The following ARHGEF9 variants were observed in gnomAD, a reference collection of about 807,000 sequenced individuals.
The protein encoded by ARHGEF9 is Cdc42 guanine nucleotide exchange factor 9, also known as rho guanine nucleotide exchange factor 9.
ARHGEF9 carries 2 observed loss-of-function variants against 41.3 expected under a neutral mutation model. That is an observed-to-expected ratio of 0.05 (90% confidence interval 0.02 to 0.15). ARHGEF9 has a LOEUF of 0.15. Among genes scored for constraint, ARHGEF9 ranks in the 10% least tolerant of loss-of-function variants. The probability of loss-of-function intolerance (pLI) is 1.00; values close to 1 mark genes in which losing one functional copy is unlikely to be tolerated. For missense variants in ARHGEF9, 225 were observed against 424.7 expected (o/e 0.53, Z 4.13); for synonymous variants, 160 against 154.4 (o/e 1.04, Z -0.27).
At chrX:63,711,425 T>A (rs1441827588) in intron 2 of ARHGEF9, among the ~76,000 whole-genome samples, 3 of 111,600 alleles carry the variant, frequency 2.7e-5, no homozygotes, top group African/African-American at 9.8e-5. Flanking sequence ...CCTACAGTAA[T>A]CAAGAGAATG....
chrX:63,635,527 G>T lies in ARHGEF9; in HGVS notation c.*2501C>A. On this transcript the variant is annotated 3_prime_UTR_variant, in exon 10 of 10. Transcript: ENST00000671741. ...TAATTGGGCTCCCCTTGGGGCTGTTGGCCACTGGTCTGCTTTGATGCTATA... is the reference window on the plus strand; with the variant it reads ...TAATTGGGCTCCCCTTGGGGCTGTTTGCCACTGGTCTGCTTTGATGCTATA... The T allele has an allele frequency of 2.1e-6, 1 of 486,051 alleles. No individual in the cohort carries two copies. 40.1% of individuals were successfully genotyped at this position (486,051 alleles called of 1,213,427 possible). A position where few individuals can be genotyped will look rare whatever the true frequency, so the allele number is the denominator to read the frequency against.
intron 4 of ARHGEF9, among the ~76,000 whole-genome samples, chrX:63,688,570 G>A (rs1472988449): frequency 2.7e-5 from 3 of 111,844 alleles, no homozygotes; most frequent in Non-Finnish European, 5.6e-5. Flanking sequence ...ATTTATTAAG[G>A]TCAGCCTGGC....
rs1556401884 is a variant in ARHGEF9 at position 63,706,375 on chromosome X, T to C, written c.285A>G (p.Ser95=). The C allele has an allele frequency of 8.3e-7, 1 of 1,204,635 alleles. No homozygotes were observed. Among genetic ancestry groups the C allele is most frequent in the Non-Finnish European group, 1.1e-6 (1 of 892,794 alleles). Residue 95 remains serine, a synonymous_variant, in exon 3 of 10, where the codon TCA becomes TCG. Transcript: ENST00000671741. ...DVQNGHLDPN[S]DCLCLGRPLQ... is the part of the protein sequence containing the mutation. ...GTGGCCGCCCCAGACAGAGGCAGTC[T>C]GAATTGGGGTCCAGGTGTCCGTTCT...
chrX:63,773,180 A>G (rs1239604264), intron 1 of ARHGEF9, among the ~76,000 whole-genome samples: 1 of 112,141 alleles, frequency 8.9e-6, no homozygotes, highest in Non-Finnish European at 1.9e-5. Flanking sequence ...AAAAAACAAA[A>G]TCAGCATCAT....
At chrX:63,650,016 G>A (rs782177323) in intron 8 of ARHGEF9, among the ~76,000 whole-genome samples, 1 of 111,577 alleles carries the variant, frequency 9.0e-6, no homozygotes, top group South Asian at 3.7e-4. Flanking sequence ...TGAAAATTAA[G>A]AAGAAACAGA....
At chrX:63,734,186 G>A (rs1280990176) in intron 1 of ARHGEF9, among the ~76,000 whole-genome samples, 1 of 111,702 alleles carries the variant, frequency 9.0e-6, no homozygotes, top group Non-Finnish European at 1.9e-5. Flanking sequence ...GTCTTGTTTA[G>A]AGAATGATCC....
At chrX:63,689,185 G>A (rs1254560036) in intron 4 of ARHGEF9, among the ~76,000 whole-genome samples, 1 of 110,968 alleles carries the variant, frequency 9.0e-6, no homozygotes, top group African/African-American at 3.3e-5. Context: ...AAAAGAGAGT[G>A]GCTGAATGGA....
chrX:63,684,047 T>C (rs1556372675), intron 4 of ARHGEF9, among the ~76,000 whole-genome samples: 1 of 110,012 alleles, frequency 9.1e-6, no homozygotes, highest in African/African-American at 3.3e-5. Flanking sequence ...TGAGTGAAAA[T>C]ATTTGCAAAC....
intron 9 of ARHGEF9, chrX:63,638,702 T>G: frequency 3.3e-6 from 1 of 301,228 alleles, no homozygotes; most frequent in East Asian, 4.7e-5. Context: ...ACTATTGACT[T>G]CAGGACAGGT....
chrX:63,779,835 G>A (rs782626188), intron 1 of ARHGEF9, among the ~76,000 whole-genome samples: 1 of 111,506 alleles, frequency 9.0e-6, no homozygotes, highest in Non-Finnish European at 1.9e-5. Flanking sequence ...ATGACTGCAG[G>A]TTGTCTCCCA....
At chrX:63,694,760 AT>A (rs1476674281) in intron 4 of ARHGEF9, among the ~76,000 whole-genome samples, 4 of 111,991 alleles carry the variant, frequency 3.6e-5, no homozygotes, top group Non-Finnish European at 5.6e-5. Flanking sequence ...AATGTCCTAT[AT>A]TTTGATTATT....
At chrX:63,644,590 T>C (rs1259137704) in intron 8 of ARHGEF9, among the ~76,000 whole-genome samples, 24 of 109,823 alleles carry the variant, frequency 2.2e-4, no homozygotes, top group Non-Finnish European at 4.4e-4. Context: ...TGAGCATACA[T>C]AGATGCACAT....
intron 4 of ARHGEF9, among the ~76,000 whole-genome samples, chrX:63,684,865 C>A (rs1211502296): frequency 1.8e-5 from 2 of 108,764 alleles, no homozygotes; most frequent in African/African-American, 6.7e-5. Flanking sequence ...ATGAAATAAT[C>A]CAGTCACAGA....
chrX:63,718,490 A>G (rs1191442916), intron 2 of ARHGEF9, among the ~76,000 whole-genome samples: 5 of 110,373 alleles, frequency 4.5e-5, no homozygotes, highest in Admixed American at 3.9e-4. Flanking sequence ...CTAATCCCCA[A>G]ATAAACCCGG....
chrX:63,661,699 C>G (rs1196931190), intron 7 of ARHGEF9, among the ~76,000 whole-genome samples: 5 of 110,994 alleles, frequency 4.5e-5, no homozygotes, highest in African/African-American at 9.8e-5. Context: ...TTCCCACACA[C>G]TATAATTGCC....
chrX:63,736,475 G>A (rs1184708045), intron 1 of ARHGEF9, among the ~76,000 whole-genome samples: 3 of 110,767 alleles, frequency 2.7e-5, no homozygotes, highest in Non-Finnish European at 3.8e-5. Context: ...CTTATACTCA[G>A]AGGTGGTCAG....
chrX:63,675,972 A>G (rs2050237771), intron 5 of ARHGEF9, among the ~76,000 whole-genome samples: 1 of 112,030 alleles, frequency 8.9e-6, no homozygotes, highest in South Asian at 3.7e-4. Flanking sequence ...TCTCAGTACC[A>G]TTTTTTAAAA....
At chrX:63,769,756 C>T (rs2056173541) in intron 1 of ARHGEF9, among the ~76,000 whole-genome samples, 1 of 112,599 alleles carries the variant, frequency 8.9e-6, no homozygotes, top group Non-Finnish European at 1.9e-5. Context: ...AGGCCCGAGC[C>T]TTGGCAGCTC....
Position 63,635,783 on chromosome X carries a change from C to A in ARHGEF9, c.*2245G>T. On this transcript the variant is annotated 3_prime_UTR_variant, in exon 10 of 10. Transcript: ENST00000671741. ...CATCCCCTCCCGGTGTGCTGCCAACCCTCGAAGAAGCATGTCAAGGCCAAG... is the reference window on the plus strand; with the variant it reads ...CATCCCCTCCCGGTGTGCTGCCAACACTCGAAGAAGCATGTCAAGGCCAAG... 5.9e-6 allele frequency: 1 copy of A among 169,803 alleles called. No homozygotes were observed. The highest frequency in any genetic ancestry group is 1.1e-5 in the Non-Finnish European group (1 of 92,891). 14.0% of individuals were successfully genotyped at this position (169,803 alleles called of 1,213,427 possible).
Sources: gnomAD v4.1 joint callset for allele counts (sites outside exome capture counted in the v4.1 genomes callset) on GRCh38, gnomAD v4.1.1 for gene constraint, MANE v1.5 for transcripts, NCBI Gene and HGNC (gene_info 2026-07-23, HGNC 2026-07-21) for gene names.